Variants in ANKRD36C observed in about 807,000 individuals in gnomAD.
ANKRD36C encodes ankyrin repeat domain 36C.
Under a neutral mutation model 276.4 loss-of-function variants are expected in ANKRD36C, and 61 were observed. The ratio of observed to expected loss-of-function variants is 0.22; its 90% CI spans 0.18 to 0.27. The LOEUF (loss-of-function observed/expected upper bound fraction) is 0.27, where lower values mean the gene tolerates loss of function less well. ANKRD36C is among the 10% of genes least tolerant of loss of function. ANKRD36C has a pLI of 1.00. For synonymous variants in ANKRD36C, 483 were observed against 680.1 expected, an observed-to-expected ratio of 0.71 and a Z score of 4.51; for missense variants, 1,447 against 2,032.3, an observed-to-expected ratio of 0.71 and a Z score of 5.54.
chr2:95,909,476 A>C (rs1676848254), intron 42 of ANKRD36C, among the ~76,000 whole-genome samples: 1 of 89,102 alleles, frequency 1.1e-5, no homozygotes, highest in Admixed American at 1.4e-4. Context: ...TTCAGAAATC[A>C]GTGCAATATT....
At chr2:95,915,802 C>T (rs565483772) in intron 38 of ANKRD36C, among the ~76,000 whole-genome samples, 178 bp downstream of exon 40, 13 of 151,590 alleles carry the variant, frequency 8.6e-5, no homozygotes, top group East Asian at 5.9e-4. Flanking sequence ...AATCTTACAG[C>T]GAAGATCATG....
At chr2:95,969,202 A>G (rs1056242984) in intron 6 of ANKRD36C, among the ~76,000 whole-genome samples, 21 of 151,974 alleles carry the variant, frequency 1.4e-4, no homozygotes, top group Non-Finnish European at 1.6e-4. Flanking sequence ...CACCCTGATC[A>G]CTCTGATGAT....
chr2:95,858,348 T>C (rs535472787), intron 61 of ANKRD36C, among the ~76,000 whole-genome samples: 22 of 152,338 alleles, frequency 1.4e-4, no homozygotes, highest in Admixed American at 4.6e-4. Context: ...TTAAATACTA[T>C]TTTTCTTTCT....
At chr2:95,938,306 A>C (rs1677773518) in intron 22 of ANKRD36C, among the ~76,000 whole-genome samples, 1 of 152,308 alleles carries the variant, frequency 6.6e-6, no homozygotes. Flanking sequence ...TCTACCAAAG[A>C]GTTACAAAAG....
rs563832632 is a variant in ANKRD36C at position 95,892,921 on chromosome 2, T to C, written c.2756-1061A>G. Among the ~76,000 whole-genome samples the C allele has an allele frequency of 6.0e-5, 9 of 151,200 alleles. No individual in the cohort carries two copies. In the East Asian group the frequency reaches 1.4e-3, roughly 23 times the overall value. ...GTGTGTTTTTATGCCAATTCTAGGA[T>C]TGTTTCCTTCTTCCAGCAGTTCCTG... On this transcript the variant is annotated intron_variant, in intron 44 of 66. Coordinates refer to ENST00000456556, the Ensembl canonical transcript of ANKRD36C.
chr2:95,936,082 G>C (rs528329418), intron 22 of ANKRD36C, among the ~76,000 whole-genome samples: 36 of 152,262 alleles, frequency 2.4e-4, no homozygotes, highest in Middle Eastern at 6.9e-3. Flanking sequence ...CACGCTTCTG[G>C]TGTTTTTCCA....
In ANKRD36C at chr2:95,914,943, C is replaced by T. The variant is rs191895183; in HGVS notation, c.2450-640G>A. On this transcript the variant is annotated intron_variant, in intron 38 of 66. Coordinates refer to ENST00000456556, the Ensembl canonical transcript of ANKRD36C. ...TCATCCACTAGTTTAGCCTTCCAAA[C>T]GTTTCTTCATCCACTCATGGCACCA... Among the ~76,000 whole-genome samples the T allele has an allele frequency of 3.0e-3, 448 of 150,118 alleles. 2 individuals are homozygous for T. The highest frequency in any genetic ancestry group is 8.5e-3 in the South Asian group (41 of 4,808).
intron 32 of ANKRD36C, among the ~76,000 whole-genome samples, chr2:95,922,446 C>T (rs912372316): frequency 5.9e-5 from 9 of 151,562 alleles, no homozygotes; most frequent in Admixed American, 2.6e-4. Flanking sequence ...TTAGCCTTCC[C>T]AGACATTTCT....
At chr2:95,990,839 A>T (rs1019927345) in intron 1 of ANKRD36C, among the ~76,000 whole-genome samples, 9 of 152,216 alleles carry the variant, frequency 5.9e-5, no homozygotes, top group Non-Finnish European at 8.8e-5. Flanking sequence ...GATTTCTCTC[A>T]TTATGCACCT....
At chr2:95,984,289 TG>T (rs1334520564) in intron 3 of ANKRD36C, among the ~76,000 whole-genome samples, 2 of 151,658 alleles carry the variant, frequency 1.3e-5, no homozygotes, top group Non-Finnish European at 2.9e-5. Flanking sequence ...AGTAGCAAAA[TG>T]GAGACCACAT....
intron 19 of ANKRD36C, among the ~76,000 whole-genome samples, chr2:95,943,491 A>T (rs967209857): frequency 2.6e-5 from 4 of 151,272 alleles, no homozygotes; most frequent in African/African-American, 9.7e-5. Context: ...CTCAAAAAAA[A>T]AAAAATTAAC....
chr2:95,925,270 A>G, intron 30 of ANKRD36C, 82 bp downstream of exon 30: 7 of 1,534,802 alleles, frequency 4.6e-6, no homozygotes, highest in Non-Finnish European at 6.1e-6. Context: ...ATTTTCAATG[A>G]CACTCCACTG....
At chr2:95,878,754 A>G (rs188187908) in intron 58 of ANKRD36C, among the ~76,000 whole-genome samples, 6 of 152,294 alleles carry the variant, frequency 3.9e-5, no homozygotes, top group Admixed American at 3.9e-4. Context: ...CAAAGCTACA[A>G]TGAGGTATCA....
chr2:95,879,702 C>A (rs1676034258), intron 58 of ANKRD36C, among the ~76,000 whole-genome samples: 1 of 152,028 alleles, frequency 6.6e-6, no homozygotes, highest in Non-Finnish European at 1.5e-5. Context: ...AAAGTTAAAA[C>A]AAAACAAATG....
At chr2:95,850,684 G>A (rs1397308278), downstream of ANKRD36C, among the ~76,000 whole-genome samples, 3 of 152,184 alleles carry the variant, frequency 2.0e-5, no homozygotes, top group South Asian at 2.1e-4. Flanking sequence ...CTTTTCCCAC[G>A]GGCAAAAGTA....
intron 24 of ANKRD36C, among the ~76,000 whole-genome samples, chr2:95,933,121 C>T (rs1677610395): frequency 6.6e-6 from 1 of 152,294 alleles, no homozygotes; most frequent in Admixed American, 6.5e-5. Context: ...TCTGAGGCCT[C>T]TGTTCTGTTC....
chr2:95,883,943 A>T (rs1482140779), intron 54 of ANKRD36C, among the ~76,000 whole-genome samples: 1 of 151,938 alleles, frequency 6.6e-6, no homozygotes, highest in African/African-American at 2.4e-5. Context: ...CATGCTCTCC[A>T]ATGTTTCTTC....
At chr2:95,892,436 T>G (rs1676399398) in intron 44 of ANKRD36C, among the ~76,000 whole-genome samples, 1 of 151,560 alleles carries the variant, frequency 6.6e-6, no homozygotes, top group South Asian at 2.1e-4. Flanking sequence ...TCATTATCTC[T>G]CACACCCATA....
intron 42 of ANKRD36C, among the ~76,000 whole-genome samples, chr2:95,908,932 CA>C (rs1397305266): frequency 1.3e-5 from 2 of 151,074 alleles, no homozygotes; most frequent in Non-Finnish European, 3.0e-5. Flanking sequence ...TGTCATATGC[CA>C]AAAACTAAAA....
Sources: gnomAD v4.1 joint callset for allele counts (sites outside exome capture counted in the v4.1 genomes callset) on GRCh38, gnomAD v4.1.1 for gene constraint, MANE v1.5 for transcripts, NCBI Gene and HGNC (gene_info 2026-07-23, HGNC 2026-07-21) for gene names.